Variants in MRM1 observed in about 807,000 individuals in gnomAD.
The protein encoded by MRM1 is mitochondrial rRNA methyltransferase 1, also known as rRNA methyltransferase 1, mitochondrial.
Under a neutral mutation model 25.0 loss-of-function variants are expected in MRM1, and 24 were observed. The ratio of observed to expected loss-of-function variants is 0.96; its 90% CI spans 0.69 to 1.35. The LOEUF (loss-of-function observed/expected upper bound fraction) is 1.35, where lower values mean the gene tolerates loss of function less well. Ranked by LOEUF, MRM1 falls within the 40% of genes most tolerant of loss-of-function variation. MRM1 has a pLI of 0.00. For synonymous variants in MRM1, 188 were observed against 199.2 expected (o/e 0.94, Z 0.47); for missense variants, 431 against 464.1 (o/e 0.93, Z 0.65).
At chr17:36,610,326 G>A (rs528210997), downstream of MRM1, among the ~76,000 whole-genome samples, 249 of 151,324 alleles carry the variant, frequency 1.6e-3, 1 homozygote, top group Non-Finnish European at 2.4e-3. Flanking sequence ...TCTGCCTTCC[G>A]AGTTCATGCC....
the MRM1 span, among the ~76,000 whole-genome samples, chr17:36,620,869 T>C: frequency 6.6e-6 from 1 of 152,152 alleles, no homozygotes. Context: ...AGACCTGGAC[T>C]GGAAGAGAGG....
Position 36,602,214 on chromosome 17 carries a change from G to C in MRM1, c.404G>C (p.Gly135Ala). 3 of 1,610,610 alleles carry C rather than the reference G, an allele frequency of 1.9e-6. No homozygotes were observed. The highest frequency in any genetic ancestry group is 2.5e-6 in the Non-Finnish European group (3 of 1,177,980). Residue 135 changes from glycine (G) to alanine (A), a missense_variant, in exon 1 of 5, where the codon GGG (glycine) becomes GCG (alanine). By Grantham distance (60) the Gly-to-Ala change is moderately conservative. Transcript: ENST00000614766. The surrounding 1 kb of genome is among the most constrained non-coding windows in gnomAD (Gnocchi z 4.1). ...PLRPRPWREA[G>A]EASPGDDPQQ... ...CGGCCCCGGCCTTGGAGAGAGGCCG[G>C]GGAGGCGAGCCCAGGCGACGACCCC...
the MRM1 span, among the ~76,000 whole-genome samples, chr17:36,631,462 C>T: frequency 2.6e-5 from 4 of 152,176 alleles, no homozygotes; most frequent in African/African-American, 4.8e-5. Flanking sequence ...GGTTTGTGTC[C>T]CTGTTTAGGC....
At chr17:36,628,638 C>G in the MRM1 span, among the ~76,000 whole-genome samples, 2 of 152,152 alleles carry the variant, frequency 1.3e-5, no homozygotes, top group Admixed American at 1.3e-4. Context: ...CAGAGAGACA[C>G]TGACTCAGCG....
the MRM1 span, among the ~76,000 whole-genome samples, chr17:36,627,417 C>T: frequency 6.6e-6 from 1 of 152,160 alleles, no homozygotes; most frequent in East Asian, 1.9e-4. Context: ...AGAGGCTGTT[C>T]GCCTCTCATT....
the MRM1 span, among the ~76,000 whole-genome samples, chr17:36,628,645 A>G: frequency 6.6e-6 from 1 of 152,212 alleles, no homozygotes; most frequent in Non-Finnish European, 1.5e-5. Flanking sequence ...ACACTGACTC[A>G]GCGATGGAGG....
chr17:36,602,303 T>C lies in MRM1; in HGVS notation c.493T>C (p.Ser165Pro), dbSNP rs766494977. 35 of 1,590,610 alleles carry C rather than the reference T, an allele frequency of 2.2e-5. No individual in the cohort carries two copies. The highest frequency in any genetic ancestry group is 2.8e-5 in the Non-Finnish European group (33 of 1,164,310). ...DPRNFGAVLR[S>P]AHFLGVDKVI... ...CCGGAATTTTGGGGCTGTGCTGCGT[T>C]CCGCACACTTCCTCGGAGTGGATAA... The change falls in exon 1 of 5, where the codon TCC becomes CCC. Residue 165 changes from serine (S) to proline (P), a missense_variant. By Grantham distance (74) the Ser-to-Pro change is moderately conservative. Coordinates refer to ENST00000614766, the MANE Select transcript of MRM1 (RefSeq NM_024864.5). The surrounding 1 kb of genome is among the most constrained non-coding windows in gnomAD (Gnocchi z 4.1).
At chr17:36,614,899 G>A in the MRM1 span, among the ~76,000 whole-genome samples, 1 of 152,232 alleles carries the variant, frequency 6.6e-6, no homozygotes, top group Non-Finnish European at 1.5e-5. Flanking sequence ...ATTGGGGGTG[G>A]GTGGAAGGGG....
At position 36,608,526 on chromosome 17, in the gene MRM1, A is replaced by T; in HGVS notation, c.*111A>T. The T allele has an allele frequency of 1.5e-5, 6 of 396,038 alleles. No homozygotes were observed. The highest frequency in any genetic ancestry group is 8.0e-5 in the East Asian group (1 of 12,558). The allele number at this position is 396,038 out of a possible 1,614,324, so 24.5% of individuals were successfully genotyped here. A position where few individuals can be genotyped will look rare whatever the true frequency, so the allele number is the denominator to read the frequency against. On this transcript the variant is annotated 3_prime_UTR_variant, in exon 5 of 5. Coordinates refer to ENST00000614766, the MANE Select transcript of MRM1 (RefSeq NM_024864.5). Reference sequence around the variant, plus strand: ...CTGAGTGTGCACCAGGCCCATGTTTATTGACCACAGTCTGGGGGGGGGGGA... The same window carrying T: ...CTGAGTGTGCACCAGGCCCATGTTTTTTGACCACAGTCTGGGGGGGGGGGA...
chr17:36,630,964 G>A, the MRM1 span, among the ~76,000 whole-genome samples: 18 of 152,292 alleles, frequency 1.2e-4, no homozygotes, highest in Admixed American at 3.3e-4. Flanking sequence ...GCTGGCTGGG[G>A]CTTAACTCTA....
the MRM1 span, among the ~76,000 whole-genome samples, chr17:36,623,937 C>T: frequency 6.6e-6 from 1 of 152,228 alleles, no homozygotes; most frequent in Non-Finnish European, 1.5e-5. Context: ...ATCCCATGCA[C>T]CGTCTTCCTT....
the MRM1 span, among the ~76,000 whole-genome samples, chr17:36,622,030 C>T: frequency 6.6e-6 from 1 of 152,074 alleles, no homozygotes; most frequent in Non-Finnish European, 1.5e-5. Flanking sequence ...CTGCAGGGGG[C>T]ATGGGGGGCT....
intron 2 of MRM1, chr17:36,603,083 C>T (rs1301677691): frequency 6.5e-5 from 64 of 985,260 alleles, no homozygotes; most frequent in Non-Finnish European, 7.7e-5. Context: ...AAACCCCTCT[C>T]CCATCCGTTT....
chr17:36,625,462 C>CTTTTTTTTTTTTTTTTTTTTT, the MRM1 span, among the ~76,000 whole-genome samples: 21 of 102,004 alleles, frequency 2.1e-4, 4 homozygotes, highest in African/African-American at 7.9e-4. Flanking sequence ...CCTCCTCCTC[C>CTTTTTTTTTTTTTTTTTTTTT]TTTTTTTTTT....
chr17:36,623,913 C>T, the MRM1 span, among the ~76,000 whole-genome samples: 35,798 of 152,136 alleles, frequency 0.24, 4,511 homozygotes, highest in Non-Finnish European at 0.27. Context: ...AGCCCCCGCT[C>T]GGACCTGCAA....
At position 36,608,499 on chromosome 17, in the gene MRM1, G is replaced by C; in HGVS notation, c.*84G>C. 1 of 881,926 alleles carries C rather than the reference G, an allele frequency of 1.1e-6. No homozygotes were observed. The highest frequency in any genetic ancestry group is 1.5e-6 in the Non-Finnish European group (1 of 652,002). 54.6% of individuals were successfully genotyped at this position (881,926 alleles called of 1,614,324 possible). A position where few individuals can be genotyped will look rare whatever the true frequency, so the allele number is the denominator to read the frequency against. The stretch of plus-strand genomic sequence containing the variant: ...CGGCTCCAGTGTGCGGGGAGCCTCT[G>C]CCTGAGTGTGCACCAGGCCCATGTT... On this transcript the variant is annotated 3_prime_UTR_variant, in exon 5 of 5. Transcript: ENST00000614766.
chr17:36,614,414 G>A, the MRM1 span, among the ~76,000 whole-genome samples: 1 of 152,186 alleles, frequency 6.6e-6, no homozygotes, highest in Non-Finnish European at 1.5e-5. Context: ...GCAGTTTTAT[G>A]TTGGCCGCTG....
At chr17:36,625,223 T>C in the MRM1 span, among the ~76,000 whole-genome samples, 1 of 152,130 alleles carries the variant, frequency 6.6e-6, no homozygotes, top group South Asian at 2.1e-4. Flanking sequence ...CTCAGAAACC[T>C]TCAATAACTC....
the MRM1 span, among the ~76,000 whole-genome samples, chr17:36,614,512 C>T: frequency 6.6e-6 from 1 of 152,166 alleles, no homozygotes; most frequent in East Asian, 1.9e-4. Context: ...TTCCTTTTAT[C>T]CTCTTCCCTC....
Sources: allele counts gnomAD v4.1 joint callset (sites outside exome capture counted in the v4.1 genomes callset), GRCh38; gene constraint gnomAD v4.1.1; non-coding constraint Gnocchi (gnomAD v3.1); transcripts MANE v1.5; gene names NCBI Gene and HGNC (gene_info 2026-07-23, HGNC 2026-07-21).